CACNA2D2: variants seen among roughly 807,000 people sequenced by gnomAD.
CACNA2D2 encodes the protein voltage-dependent calcium channel subunit alpha-2/delta-2.
A neutral mutation model predicts 166.4 loss-of-function variants in CACNA2D2; 48 were observed. That is an observed-to-expected ratio of 0.29 (90% confidence interval 0.23 to 0.37). The LOEUF (loss-of-function observed/expected upper bound fraction) is 0.37. Ranked by LOEUF, CACNA2D2 falls within the 10% of genes least tolerant of loss-of-function variation. The probability of loss-of-function intolerance (pLI) is 1.00; values close to 1 mark genes in which losing one functional copy is unlikely to be tolerated. For missense variants in CACNA2D2, 1,122 were observed against 1,433.0 expected (o/e 0.78, Z 3.50); for synonymous variants, 561 against 573.7 (o/e 0.98, Z 0.32).
At chr3:50,449,512 G>A (rs1709008284) in intron 2 of CACNA2D2, among the ~76,000 whole-genome samples, 1 of 152,182 alleles carries the variant, frequency 6.6e-6, no homozygotes, top group Admixed American at 6.5e-5. Context: ...CAGGGGTAGT[G>A]GTTGGGACTA....
chr3:50,375,298 G>A lies in CACNA2D2; in HGVS notation c.1907+346C>T, dbSNP rs1358340014. ...GAGGATGCCCCGGCATTTCAGGATGGACTAGCTGTGTGGGGCAGGCAGAGG... is the reference window on the plus strand; with the variant it reads ...GAGGATGCCCCGGCATTTCAGGATGAACTAGCTGTGTGGGGCAGGCAGAGG... On this transcript the variant is annotated intron_variant, in intron 21 of 37. Transcript: ENST00000424201. The surrounding 1 kb of genome is among the most constrained non-coding windows in gnomAD (Gnocchi z 4.0). Among the ~76,000 whole-genome samples the A allele has an allele frequency of 2.0e-5, 3 of 152,148 alleles. No homozygotes were observed. Among genetic ancestry groups the A allele is most frequent in the Non-Finnish European group, 4.4e-5 (3 of 68,018 alleles).
intron 2 of CACNA2D2, among the ~76,000 whole-genome samples, chr3:50,465,607 T>C (rs1300221155): frequency 1.3e-5 from 2 of 152,044 alleles, no homozygotes; most frequent in East Asian, 3.9e-4. Context: ...GCAATCACAG[T>C]GATTCATGCT....
At chr3:50,371,106 G>C (rs587731584) in intron 22 of CACNA2D2, among the ~76,000 whole-genome samples, 3 of 152,090 alleles carry the variant, frequency 2.0e-5, no homozygotes, top group African/African-American at 7.2e-5. Context: ...CACAGTGTGG[G>C]AAGAAAGTCT....
At chr3:50,372,460 GC>G (rs1252892905) in intron 22 of CACNA2D2, among the ~76,000 whole-genome samples, 3 of 152,242 alleles carry the variant, frequency 2.0e-5, no homozygotes, top group Non-Finnish European at 4.4e-5. Flanking sequence ...GCGCGGGTCA[GC>G]CCTGCTCTTC....
chr3:50,501,917 A>AGAGGACGT (rs1318118502), intron 1 of CACNA2D2, among the ~76,000 whole-genome samples: 2 of 152,210 alleles, frequency 1.3e-5, no homozygotes, highest in Admixed American at 6.5e-5. Flanking sequence ...GACGGTTGAC[A>AGAGGACGT]GAGGACACGT....
At chr3:50,457,890 G>A (rs1172684230) in intron 2 of CACNA2D2, among the ~76,000 whole-genome samples, 1 of 152,180 alleles carries the variant, frequency 6.6e-6, no homozygotes, top group Non-Finnish European at 1.5e-5. Context: ...CAGCCCAAGT[G>A]GACAGACTAA....
Position 50,380,650 on chromosome 3 carries a change from C to T in CACNA2D2, c.842+98G>A. The T allele has an allele frequency of 1.0e-6, 1 of 994,218 alleles. No individual in the cohort carries two copies. The highest frequency in any genetic ancestry group is 1.4e-6 in the Non-Finnish European group (1 of 692,258). The allele number at this position is 994,218 out of a possible 1,614,324, so 61.6% of individuals were successfully genotyped here. A position where few individuals can be genotyped will look rare whatever the true frequency, so the allele number is the denominator to read the frequency against. The stretch of plus-strand genomic sequence containing the variant: ...TGAAAATTGGATACAGCTGGCTGCG[C>T]CCTGCTAGGAGGCTTGGAAATGGGG... On this transcript the variant is annotated intron_variant, in intron 8 of 37. Transcript: ENST00000424201. The surrounding 1 kb of genome is among the most constrained non-coding windows in gnomAD (Gnocchi z 4.9).
At position 50,363,432 on chromosome 3, in the gene CACNA2D2, A is replaced by C; in HGVS notation, c.*1234T>G. 3 of 391,284 alleles carry C rather than the reference A, an allele frequency of 7.7e-6. No homozygotes were observed. Among genetic ancestry groups the C allele is most frequent in the Non-Finnish European group, 9.0e-6 (2 of 222,208 alleles). The allele number at this position is 391,284 out of a possible 1,614,324, so 24.2% of individuals were successfully genotyped here. Reference sequence around the variant, plus strand: ...GATGCCTTTGGGGGAAATGACCAGAATGAATGGTGTGAAGAGCTGTGCCCA... The same window carrying C: ...GATGCCTTTGGGGGAAATGACCAGACTGAATGGTGTGAAGAGCTGTGCCCA... On this transcript the variant is annotated 3_prime_UTR_variant, in exon 38 of 38. Coordinates refer to ENST00000424201, the MANE Select transcript of CACNA2D2 (RefSeq NM_006030.4).
At chr3:50,458,497 C>T (rs1237252003) in intron 2 of CACNA2D2, among the ~76,000 whole-genome samples, 1 of 152,152 alleles carries the variant, frequency 6.6e-6, no homozygotes, top group Admixed American at 6.5e-5. Flanking sequence ...GAGACCAGCC[C>T]GGGCTTGCCT....
At chr3:50,477,650 C>G (rs762548495) in intron 1 of CACNA2D2, among the ~76,000 whole-genome samples, 1 of 152,194 alleles carries the variant, frequency 6.6e-6, no homozygotes. Context: ...CAGACCAAGA[C>G]CTTTCCAGGA....
intron 2 of CACNA2D2, among the ~76,000 whole-genome samples, chr3:50,437,038 C>T (rs1448035043): frequency 6.6e-6 from 1 of 152,240 alleles, no homozygotes; most frequent in Non-Finnish European, 1.5e-5. Context: ...GCAGTGGACA[C>T]CTGGCAAATG....
intron 1 of CACNA2D2, among the ~76,000 whole-genome samples, chr3:50,487,592 T>C (rs1165406072): frequency 6.6e-6 from 1 of 152,146 alleles, no homozygotes; most frequent in Non-Finnish European, 1.5e-5. Context: ...GTGACTCCTT[T>C]AGCAAAGCAA....
At chr3:50,461,335 T>C (rs970623364) in intron 2 of CACNA2D2, among the ~76,000 whole-genome samples, 23 of 152,216 alleles carry the variant, frequency 1.5e-4, no homozygotes, top group Non-Finnish European at 8.8e-5. Context: ...CACCCTGGAC[T>C]TCCAACCCAC....
At chr3:50,419,012 C>A (rs1707415339) in intron 3 of CACNA2D2, among the ~76,000 whole-genome samples, 1 of 152,084 alleles carries the variant, frequency 6.6e-6, no homozygotes, top group Non-Finnish European at 1.5e-5. Context: ...TGGAGTTGCT[C>A]AGCCTGCAGA....
At chr3:50,468,378 A>AGTG (rs1491289565) in intron 2 of CACNA2D2, among the ~76,000 whole-genome samples, 3 of 80,686 alleles carry the variant, frequency 3.7e-5, no homozygotes, top group African/African-American at 1.6e-4. Context: ...GTTCATCAGA[A>AGTG]TAGTGTGTGT....
chr3:50,367,982 CCA>C lies in CACNA2D2; in HGVS notation c.2144-82_2144-81del. The C allele has an allele frequency of 1.7e-6, 2 of 1,200,390 alleles. No individual in the cohort carries two copies. Among genetic ancestry groups the C allele is most frequent in the Non-Finnish European group, 2.4e-6 (2 of 817,812 alleles). The allele number at this position is 1,200,390 out of a possible 1,614,324, so 74.4% of individuals were successfully genotyped here. A position where few individuals can be genotyped will look rare whatever the true frequency, so the allele number is the denominator to read the frequency against. On this transcript the variant is annotated intron_variant, in intron 24 of 37. Coordinates refer to ENST00000424201, the MANE Select transcript of CACNA2D2 (RefSeq NM_006030.4). The surrounding 1 kb of genome is among the most constrained non-coding windows in gnomAD (Gnocchi z 6.5). The stretch of plus-strand genomic sequence containing the variant: ...CACCCTCACCCCCACCCTTAAGGCT[CCA>C]CCAGGAGCCTCCTCCATGACCTGGC...
Position 50,363,055 on chromosome 3 carries a change from G to A in CACNA2D2, c.*1611C>T. ...TAATGAGAAGGATTAGACCCAGCTG[G>A]GGGTTAGACAGCTACCTGATGGGGA... On this transcript the variant is annotated 3_prime_UTR_variant, in exon 38 of 38. Transcript: ENST00000424201. 7.5e-6 allele frequency: 3 copies of A among 398,332 alleles called. No individual in the cohort carries two copies. The highest frequency in any genetic ancestry group is 4.4e-5 in the Admixed American group (1 of 22,716). 24.7% of individuals were successfully genotyped at this position (398,332 alleles called of 1,614,324 possible).
intron 5 of CACNA2D2, among the ~76,000 whole-genome samples, chr3:50,385,570 G>T (rs587602961): frequency 6.6e-6 from 1 of 151,266 alleles, no homozygotes; most frequent in Non-Finnish European, 1.5e-5. Flanking sequence ...ACAGGGGTAC[G>T]GCTCTGAAGG....
intron 3 of CACNA2D2, among the ~76,000 whole-genome samples, chr3:50,411,280 A>G (rs888233016): frequency 6.6e-6 from 1 of 152,174 alleles, no homozygotes; most frequent in African/African-American, 2.4e-5. Context: ...GTGTTATCTC[A>G]ACCAACACTA....
Sources: gnomAD v4.1 joint callset for allele counts (sites outside exome capture counted in the v4.1 genomes callset) on GRCh38, gnomAD v4.1.1 for gene constraint, Gnocchi (gnomAD v3.1) non-coding constraint, MANE v1.5 for transcripts, NCBI Gene and HGNC (gene_info 2026-07-23, HGNC 2026-07-21) for gene names.